The following RBL1 variants were observed in gnomAD, a reference collection of about 807,000 sequenced individuals.
RBL1 encodes the protein retinoblastoma-like protein 1.
A neutral mutation model predicts 123.0 loss-of-function variants in RBL1; 82 were observed. That is an observed-to-expected ratio of 0.67 (90% CI 0.56 to 0.80). The LOEUF (loss-of-function observed/expected upper bound fraction) is 0.80, where lower values mean the gene tolerates loss of function less well. Among genes scored for constraint, RBL1 ranks in the 30% least tolerant of loss-of-function variants. The probability of loss-of-function intolerance (pLI) is 0.00; values close to 1 mark genes in which losing one functional copy is unlikely to be tolerated. For synonymous variants in RBL1, 405 were observed against 441.3 expected (o/e 0.92, Z 1.03); for missense variants, 1,171 against 1,299.6 (o/e 0.90, Z 1.52).
chr20:37,032,735 G>A lies in RBL1; in HGVS notation c.2312C>T (p.Ala771Val), dbSNP rs35814596. The change falls in exon 16 of 22, where the codon GCA (alanine) becomes GTA (valine). Residue 771 changes from alanine to valine, a missense_variant. Physicochemically the swap from Ala to Val is moderately conservative, Grantham distance 64. Coordinates refer to ENST00000373664, the MANE Select transcript of RBL1 (RefSeq NM_002895.5). ...TATTCCAGTTGAATGTACCTCTTGT[G>A]CTTTAGTCAGATTGGTCTGTTTTGG... ...ASPKQTNLTK[A>V]QEVHSTGINR... 2,662 of 1,614,038 alleles carry A rather than the reference G, an allele frequency of 1.6e-3. 1 individual carries two copies. The highest frequency in any genetic ancestry group is 2.1e-3 in the Non-Finnish European group (2,472 of 1,179,978).
intron 2 of RBL1, among the ~76,000 whole-genome samples, chr20:37,069,878 C>T (rs1482141285): frequency 1.5e-4 from 22 of 151,236 alleles, no homozygotes; most frequent in Non-Finnish European, 4.4e-5. Context: ...GCCAGCCGCC[C>T]CGTCCAGGAG....
chr20:37,074,407 C>T (rs2065330011), intron 2 of RBL1, among the ~76,000 whole-genome samples: 1 of 143,154 alleles, frequency 7.0e-6, no homozygotes, highest in African/African-American at 2.7e-5. Context: ...GAGCAAGACC[C>T]TGTCTCAGAA....
chr20:37,067,922 AAAGTATATT>A (rs751180419), intron 3 of RBL1, 55 bp downstream of exon 3: 162 of 1,526,528 alleles, frequency 1.1e-4, no homozygotes, highest in Non-Finnish European at 1.4e-4. Flanking sequence ...GACTTTCAAA[AAAGTATATT>A]CTCTTAGTTT....
At chr20:37,015,080 A>AAAAG (rs1555849406) in intron 19 of RBL1, among the ~76,000 whole-genome samples, 42 of 150,704 alleles carry the variant, frequency 2.8e-4, no homozygotes, top group African/African-American at 7.4e-4. Flanking sequence ...AAAAAAAAAA[A>AAAAG]AAAGAAAGAA....
intron 21 of RBL1, among the ~76,000 whole-genome samples, chr20:37,002,336 GTTTTTTTTTTTT>G (rs965408801): frequency 3.9e-5 from 3 of 76,324 alleles, no homozygotes; most frequent in Non-Finnish European, 5.0e-5. Context: ...AGCCTTATCT[GTTTTTTTTTTTT>G]TTTTTTTTTT....
At chr20:37,000,025 G>A (rs989315819) in intron 21 of RBL1, among the ~76,000 whole-genome samples, 1 of 151,402 alleles carries the variant, frequency 6.6e-6, no homozygotes, top group Non-Finnish European at 1.5e-5. Flanking sequence ...CTGCCCGGCC[G>A]CCATCCCATC....
intron 19 of RBL1, among the ~76,000 whole-genome samples, chr20:37,016,052 G>A (rs1600467908): frequency 7.2e-6 from 1 of 138,930 alleles, no homozygotes; most frequent in East Asian, 2.2e-4. Flanking sequence ...TCTTGAGATG[G>A]AGTCTCACGC....
intron 16 of RBL1, 27 bp from the exon 17 acceptor site, chr20:37,022,853 C>T: frequency 6.5e-7 from 1 of 1,539,216 alleles, no homozygotes; most frequent in Non-Finnish European, 8.9e-7. Flanking sequence ...CACATTGATG[C>T]AAAACACCAA....
At chr20:37,089,468 T>C (rs1356526136) in intron 1 of RBL1, among the ~76,000 whole-genome samples, 1 of 151,620 alleles carries the variant, frequency 6.6e-6, no homozygotes, top group Non-Finnish European at 1.5e-5. Flanking sequence ...CAGGGCAACG[T>C]AGACTCTAAA....
chr20:37,093,264 T>TA lies in RBL1; in HGVS notation c.156+2508dup, dbSNP rs11484189. 5.2e-3 allele frequency among the ~76,000 whole-genome samples: 792 copies of TA among 152,050 alleles called. 8 individuals are homozygous for TA. The highest frequency in any genetic ancestry group is 0.018 in the African/African-American group (751 of 41,524). On this transcript the variant is annotated intron_variant, in intron 1 of 21. Transcript: ENST00000373664. ...TGAAAATGACTACTCCAAATACCTT[T>TA]AAAAAATTGATTTTAAAAAAAGAGG... is the stretch of plus-strand genomic sequence containing the variant.
chr20:37,075,420 GTAAA>G (rs1258458205), intron 2 of RBL1, among the ~76,000 whole-genome samples: 1 of 152,082 alleles, frequency 6.6e-6, no homozygotes, highest in Non-Finnish European at 1.5e-5. Flanking sequence ...AGAGGTTACA[GTAAA>G]TACATGTAAA....
intron 20 of RBL1, among the ~76,000 whole-genome samples, chr20:37,005,890 CTTTCT>C (rs1346847432): frequency 9.8e-6 from 1 of 102,266 alleles, no homozygotes; most frequent in African/African-American, 4.4e-5. Flanking sequence ...TTTTTTTTTT[CTTTCT>C]TTTTTTTTTT....
At chr20:37,009,241 C>A (rs928976144) in intron 19 of RBL1, among the ~76,000 whole-genome samples, 1 of 152,098 alleles carries the variant, frequency 6.6e-6, no homozygotes, top group Non-Finnish European at 1.5e-5. Flanking sequence ...AAAGGCTGGT[C>A]TCGAACTCCT....
At chr20:37,000,930 C>A (rs1428430973) in intron 21 of RBL1, among the ~76,000 whole-genome samples, 29 of 145,254 alleles carry the variant, frequency 2.0e-4, no homozygotes, top group Admixed American at 5.4e-4. Flanking sequence ...CCAGCCGCCC[C>A]ATCCGGGAGG....
intron 13 of RBL1, among the ~76,000 whole-genome samples, chr20:37,041,479 G>T (rs1222888952): frequency 6.6e-6 from 1 of 152,032 alleles, no homozygotes; most frequent in Non-Finnish European, 1.5e-5. Context: ...GTGCCACCAT[G>T]CCCAGCTAAT....
At chr20:37,021,254 C>A (rs2064335950) in intron 17 of RBL1, among the ~76,000 whole-genome samples, 1 of 151,944 alleles carries the variant, frequency 6.6e-6, no homozygotes, top group African/African-American at 2.4e-5. Flanking sequence ...GATTAGTGAT[C>A]CAAAAAGGAA....
At chr20:37,037,492 A>C (rs1568845903) in intron 14 of RBL1, among the ~76,000 whole-genome samples, 3 of 152,146 alleles carry the variant, frequency 2.0e-5, no homozygotes, top group Non-Finnish European at 4.4e-5. Flanking sequence ...ATATTTCGTA[A>C]GTTTTAAATT....
At position 37,040,165 on chromosome 20, in the gene RBL1, T is replaced by C. The variant is rs1212491725; in HGVS notation, c.1891A>G (p.Ser631Gly). ...RVKEVRTDSGSLRRDMQPLSP... is the reference protein window; with the variant it reads ...RVKEVRTDSGGLRRDMQPLSP... The stretch of plus-strand genomic sequence containing the variant: ...ATGTTGAACCTACCTCTTCGAAGAC[T>C]CCCACTGTCAGTTCGAACTTCCTTG... Residue 631 changes from serine (S) to glycine (G), a missense_variant, in exon 14 of 22, where the codon AGT becomes GGT. Transcript: ENST00000373664. The C allele has an allele frequency of 6.2e-6, 10 of 1,613,502 alleles. No homozygotes were observed. The highest frequency in any genetic ancestry group is 8.5e-6 in the Non-Finnish European group (10 of 1,179,846).
chr20:37,044,450 G>A (rs2064784984), intron 12 of RBL1, among the ~76,000 whole-genome samples, 200 bp from the exon 13 acceptor site: 1 of 152,084 alleles, frequency 6.6e-6, no homozygotes, highest in African/African-American at 2.4e-5. Context: ...TGATTCTCCT[G>A]CCTCAGCCTC....
Sources: gnomAD v4.1 joint callset for allele counts (sites outside exome capture counted in the v4.1 genomes callset) on GRCh38, gnomAD v4.1.1 for gene constraint, MANE v1.5 for transcripts, NCBI Gene and HGNC (gene_info 2026-07-23, HGNC 2026-07-21) for gene names.